CACNA1B: variants seen among roughly 807,000 people sequenced by gnomAD.
CACNA1B encodes the protein voltage-dependent N-type calcium channel subunit alpha-1B.
Under a neutral mutation model 247.2 loss-of-function variants are expected in CACNA1B, and 70 were observed. That is an observed-to-expected ratio of 0.28 (90% CI 0.23 to 0.35). The LOEUF is 0.35. Ranked by LOEUF, CACNA1B falls within the 10% of genes least tolerant of loss-of-function variation. The pLI, the probability that CACNA1B is intolerant of heterozygous loss-of-function variation, is 1.00. For synonymous variants in CACNA1B, 1,231 were observed against 1,294.4 expected, an observed-to-expected ratio of 0.95 and a Z score of 1.05; for missense variants, 2,367 against 3,197.4, an observed-to-expected ratio of 0.74 and a Z score of 6.26.
intron 15 of CACNA1B, among the ~76,000 whole-genome samples, chr9:138,000,216 A>T (rs1456432518): frequency 1.3e-5 from 2 of 151,174 alleles, no homozygotes; most frequent in Non-Finnish European, 2.9e-5. Context: ...CTCCTGCCTC[A>T]GCCTCCCGAG....
At chr9:138,091,186 A>G (rs1466150976) in intron 36 of CACNA1B, among the ~76,000 whole-genome samples, 1 of 152,212 alleles carries the variant, frequency 6.6e-6, no homozygotes, top group Admixed American at 6.5e-5. Flanking sequence ...CCTTATACAC[A>G]ATGGAATACT....
rs961851661 is a variant in CACNA1B, at chr9:138,051,541, C to T, written c.3711-551C>T. Among the ~76,000 whole-genome samples, 4 of 149,118 alleles carry T rather than the reference C, an allele frequency of 2.7e-5. No homozygotes were observed. The highest frequency in any genetic ancestry group is 4.5e-5 in the Non-Finnish European group (3 of 67,324). ...CTCTTGCATTGCCTCTGTATTCGTC[C>T]GACTTTTTCTCTTTCTTACTCTCCT... On this transcript the variant is annotated intron_variant, in intron 24 of 46. Coordinates refer to ENST00000371372, the MANE Select transcript of CACNA1B (RefSeq NM_000718.4). This position sits in a 1 kb window ranked among gnomAD's most constrained non-coding sequence, Gnocchi z 4.3.
intron 35 of CACNA1B, among the ~76,000 whole-genome samples, chr9:138,076,586 A>C (rs554829540): frequency 6.6e-6 from 1 of 152,302 alleles, no homozygotes; most frequent in South Asian, 2.1e-4. Context: ...GTGCCAGGAG[A>C]GGCCTCAGCA....
At chr9:138,094,022 A>C (rs1355922049) in intron 36 of CACNA1B, among the ~76,000 whole-genome samples, 3 of 152,254 alleles carry the variant, frequency 2.0e-5, no homozygotes, top group Non-Finnish European at 4.4e-5. Flanking sequence ...AAGGAACACC[A>C]GTTTCCATCA....
intron 21 of CACNA1B, among the ~76,000 whole-genome samples, chr9:138,046,260 G>A (rs1289764039): frequency 1.3e-5 from 2 of 152,232 alleles, no homozygotes; most frequent in Admixed American, 1.3e-4. Context: ...TTGAACAAGC[G>A]AGTCGGGCAA....
intron 36 of CACNA1B, among the ~76,000 whole-genome samples, chr9:138,088,952 T>G (rs1960789644): frequency 1.6e-5 from 1 of 64,012 alleles, no homozygotes; most frequent in Non-Finnish European, 2.8e-5. Flanking sequence ...AGAGCAAAAC[T>G]CCGTCTCAAA....
chr9:137,999,428 C>T lies in CACNA1B; in HGVS notation c.1975-7339C>T, dbSNP rs551475262. On this transcript the variant is annotated intron_variant, in intron 15 of 46. Coordinates refer to ENST00000371372, the MANE Select transcript of CACNA1B (RefSeq NM_000718.4). ...AATATTTAGAACTGAACAGTATCAA[C>T]ACTTGTAAGAGGAATCCGAAACAAC... Among the ~76,000 whole-genome samples the T allele has an allele frequency of 4.0e-5, 6 of 151,408 alleles. No homozygotes were observed. The South Asian group carries it at 1.2e-3, about 31-fold the overall frequency.
intron 15 of CACNA1B, among the ~76,000 whole-genome samples, chr9:137,995,272 A>T (rs1038610261): frequency 2.0e-5 from 3 of 152,040 alleles, no homozygotes; most frequent in Non-Finnish European, 4.4e-5. Context: ...CACATTACCC[A>T]ACTTCAAACT....
At chr9:138,062,233 G>A (rs1319160779) in intron 31 of CACNA1B, among the ~76,000 whole-genome samples, 1 of 152,118 alleles carries the variant, frequency 6.6e-6, no homozygotes, top group Non-Finnish European at 1.5e-5. Context: ...CAGATACCCT[G>A]CCCAGGGCTC....
chr9:138,045,414 A>G (rs1435140147), intron 21 of CACNA1B, among the ~76,000 whole-genome samples: 1 of 152,190 alleles, frequency 6.6e-6, no homozygotes, highest in Non-Finnish European at 1.5e-5. Flanking sequence ...CAGGGTACTC[A>G]TAGTGTTGAG....
intron 35 of CACNA1B, among the ~76,000 whole-genome samples, chr9:138,076,472 C>T (rs1589114199): frequency 6.6e-6 from 1 of 152,202 alleles, no homozygotes; most frequent in Non-Finnish European, 1.5e-5. Context: ...GCTGCCGTTC[C>T]CTGGGCTCCT....
intron 3 of CACNA1B, among the ~76,000 whole-genome samples, chr9:137,898,082 T>C (rs527853015): frequency 1.3e-5 from 2 of 152,336 alleles, no homozygotes; most frequent in Non-Finnish European, 1.5e-5. Flanking sequence ...AAAGATATTT[T>C]GCTGGATATA....
At chr9:137,989,800 T>C (rs1452522929) in intron 15 of CACNA1B, among the ~76,000 whole-genome samples, 2 of 152,218 alleles carry the variant, frequency 1.3e-5, no homozygotes, top group Non-Finnish European at 2.9e-5. Context: ...CAAAAGCTTA[T>C]ACATTTAGTA....
Position 137,986,967 on chromosome 9 carries a change from C to G in CACNA1B, c.1974+113C>G. On this transcript the variant is annotated intron_variant, in intron 15 of 46. Transcript: ENST00000371372. This position sits in a 1 kb window ranked among gnomAD's most constrained non-coding sequence, Gnocchi z 6.0. Reference sequence around the variant, plus strand: ...CCTTGTTCCTCCACACGGCCCAGATCACTGACTTTTCAGACACAGTGTTCC... The same window carrying G: ...CCTTGTTCCTCCACACGGCCCAGATGACTGACTTTTCAGACACAGTGTTCC... 1.2e-6 allele frequency: 1 copy of G among 840,524 alleles called. No individual in the cohort carries two copies. The highest frequency in any genetic ancestry group is 2.0e-6 in the Non-Finnish European group (1 of 488,008). 52.1% of individuals were successfully genotyped at this position (840,524 alleles called of 1,614,324 possible). A position where few individuals can be genotyped will look rare whatever the true frequency, so the allele number is the denominator to read the frequency against.
chr9:137,924,398 T>G (rs766842441), intron 6 of CACNA1B, among the ~76,000 whole-genome samples: 2 of 141,088 alleles, frequency 1.4e-5, no homozygotes, highest in Non-Finnish European at 3.1e-5. Context: ...CCTCCCTCCC[T>G]TCCTTCCTGT....
At chr9:138,049,771 C>T (rs969776778) in intron 24 of CACNA1B, among the ~76,000 whole-genome samples, 11 of 152,204 alleles carry the variant, frequency 7.2e-5, no homozygotes, top group African/African-American at 2.2e-4. Flanking sequence ...AACTGGTGGT[C>T]GCCTTCCCCT....
At chr9:138,045,444 A>G (rs1959173904) in intron 21 of CACNA1B, among the ~76,000 whole-genome samples, 1 of 152,184 alleles carries the variant, frequency 6.6e-6, no homozygotes, top group Non-Finnish European at 1.5e-5. Flanking sequence ...TCAGGTGCGT[A>G]TGGAGGAATT....
At chr9:138,119,000 C>T (rs1961978158) in intron 44 of CACNA1B, among the ~76,000 whole-genome samples, 1 of 152,102 alleles carries the variant, frequency 6.6e-6, no homozygotes, top group Admixed American at 6.5e-5. Context: ...GAGGGTGGGT[C>T]AGGTCCGGTA....
intron 19 of CACNA1B, among the ~76,000 whole-genome samples, chr9:138,024,587 T>C (rs1958896979): frequency 6.6e-6 from 1 of 152,158 alleles, no homozygotes; most frequent in Non-Finnish European, 1.5e-5. Flanking sequence ...TTGGTCTGCA[T>C]GGAGGCTTAA....
Sources: gnomAD v4.1 joint callset for allele counts (sites outside exome capture counted in the v4.1 genomes callset) on GRCh38, gnomAD v4.1.1 for gene constraint, Gnocchi (gnomAD v3.1) non-coding constraint, MANE v1.5 for transcripts, NCBI Gene and HGNC (gene_info 2026-07-23, HGNC 2026-07-21) for gene names.